The following COPG2 variants were observed in gnomAD, a reference collection of about 807,000 sequenced individuals.
COPG2 encodes coatomer subunit gamma-2.
Under a neutral mutation model 46.3 loss-of-function variants are expected in COPG2, and 37 were observed. The ratio of observed to expected loss-of-function variants is 0.80; its 90% CI spans 0.61 to 1.05. The LOEUF is 1.05. Among genes scored for constraint, COPG2 ranks in the 50% least tolerant of loss-of-function variants. COPG2 has a pLI of 0.00. For synonymous variants in COPG2, 159 were observed against 129.7 expected (o/e 1.23, Z -1.53); for missense variants, 427 against 387.8 (o/e 1.10, Z -0.85).
rs563126201 is a variant in COPG2 at position 130,509,610 on chromosome 7, C to T, written c.2150-951G>A. ...TTTAAATTCCATCCATTCATCCATC[C>T]ACACATGTAGTGACTGTCAATACAT... is the stretch of plus-strand genomic sequence containing the variant. On this transcript the variant is annotated intron_variant, in intron 20 of 23. Transcript: ENST00000425248. 1.5e-5 allele frequency: 7 copies of T among 477,830 alleles called. No individual in the cohort carries two copies. The East Asian group carries it at 3.5e-4, about 24-fold the overall frequency. The allele number at this position is 477,830 out of a possible 1,614,324, so 29.6% of individuals were successfully genotyped here.
chr7:130,589,431 TCAC>T (rs1794354047), intron 9 of COPG2, among the ~76,000 whole-genome samples: 1 of 151,846 alleles, frequency 6.6e-6, no homozygotes, highest in Non-Finnish European at 1.5e-5. Context: ...CTATAGGTGC[TCAC>T]CACCACACCT....
At chr7:130,557,828 A>AAAAAC (rs1395853060) in intron 12 of COPG2, among the ~76,000 whole-genome samples, 3 of 147,530 alleles carry the variant, frequency 2.0e-5, no homozygotes, top group Non-Finnish European at 4.5e-5. Flanking sequence ...AAAAAAAAAA[A>AAAAAC]AAAAAAAAAA....
At chr7:130,543,846 A>C (rs1385396365) in intron 20 of COPG2, among the ~76,000 whole-genome samples, 6 of 152,210 alleles carry the variant, frequency 3.9e-5, no homozygotes, top group African/African-American at 1.4e-4. Flanking sequence ...ATGATGGGGT[A>C]GAAAAGGGGT....
chr7:130,648,141 T>G (rs2116225566), intron 5 of COPG2, among the ~76,000 whole-genome samples: 1 of 152,348 alleles, frequency 6.6e-6, no homozygotes, highest in East Asian at 1.9e-4. Context: ...CTTCAGATTT[T>G]TTTAATCTCC....
chr7:130,511,599 A>G (rs1483356740), intron 20 of COPG2: 1 of 519,104 alleles, frequency 1.9e-6, no homozygotes, highest in Non-Finnish European at 3.9e-6. Context: ...TCACTAAGGA[A>G]TGACACACAT....
Position 130,668,671 on chromosome 7 carries a change from T to A in COPG2, c.-3A>T. 6.5e-7 allele frequency: 1 copy of A among 1,540,856 alleles called. No homozygotes were observed. The highest frequency in any genetic ancestry group is 8.7e-7 in the Non-Finnish European group (1 of 1,145,514). On this transcript the variant is annotated 5_prime_UTR_variant, in exon 1 of 24. Coordinates refer to ENST00000425248, the MANE Select transcript of COPG2 (RefSeq NM_012133.6). ...TTCTTGTCGAATTTTTTAATCATCT[T>A]GGACGACTTCCCAGCGCCCAGACCC...
intron 11 of COPG2, among the ~76,000 whole-genome samples, chr7:130,561,681 C>G (rs1194340100): frequency 1.3e-5 from 2 of 152,176 alleles, no homozygotes; most frequent in African/African-American, 4.8e-5. Context: ...TGCCATTCTC[C>G]TGCATCCTTG....
In COPG2 at chr7:130,554,472, A is replaced by G. The variant is rs1196578120; in HGVS notation, c.1468+9T>C. On this transcript the variant is annotated intron_variant, in intron 14 of 23. Transcript: ENST00000425248. ...CAGCATCGTCAATATCAGTGTCCCAATGACTCACCAGCTCTGACAGCCTCA... is the reference window on the plus strand; with the variant it reads ...CAGCATCGTCAATATCAGTGTCCCAGTGACTCACCAGCTCTGACAGCCTCA... The G allele has an allele frequency of 4.0e-5, 16 of 398,572 alleles. No individual in the cohort carries two copies. The highest frequency in any genetic ancestry group is 1.0e-4 in the African/African-American group (5 of 48,750). 24.7% of individuals were successfully genotyped at this position (398,572 alleles called of 1,614,324 possible). A position where few individuals can be genotyped will look rare whatever the true frequency, so the allele number is the denominator to read the frequency against.
intron 20 of COPG2, among the ~76,000 whole-genome samples, chr7:130,513,319 A>ATGTGTGTGTGTGTGTGTGTG (rs1799634805): frequency 7.2e-5 from 3 of 41,870 alleles, no homozygotes. Flanking sequence ...ATATATATAT[A>ATGTGTGTGTGTGTGTGTGTG]TATATATATA....
At chr7:130,534,216 CTG>C in intron 20 of COPG2, among the ~76,000 whole-genome samples, 1 of 152,178 alleles carries the variant, frequency 6.6e-6, no homozygotes, top group East Asian at 1.9e-4. Flanking sequence ...GCCAAAGTAA[CTG>C]GGGTTACAGA....
chr7:130,535,220 G>A (rs1269942642), intron 20 of COPG2, among the ~76,000 whole-genome samples: 2 of 152,102 alleles, frequency 1.3e-5, no homozygotes, highest in Non-Finnish European at 2.9e-5. Context: ...CCTTCCCTTG[G>A]CCAAGGAAGC....
At chr7:130,645,378 C>A in intron 5 of COPG2, 1 of 546,378 alleles carries the variant, frequency 1.8e-6, no homozygotes, top group Non-Finnish European at 3.7e-6. Flanking sequence ...GACATCTGCC[C>A]TCCAGGACCG....
chr7:130,631,172 C>CTTTTTTTTT (rs55966949), intron 5 of COPG2, among the ~76,000 whole-genome samples: 1 of 102,320 alleles, frequency 9.8e-6, no homozygotes, highest in Non-Finnish European at 2.1e-5. Context: ...TTTTTCTTTT[C>CTTTTTTTTT]TTTTTTTTTT....
intron 9 of COPG2, among the ~76,000 whole-genome samples, chr7:130,588,239 G>A (rs1436426956): frequency 2.0e-5 from 3 of 151,842 alleles, no homozygotes; most frequent in South Asian, 4.2e-4. Context: ...TCAGTGTGGC[G>A]ATTCCTCAGG....
At chr7:130,592,625 T>TA (rs1270390447) in intron 9 of COPG2, among the ~76,000 whole-genome samples, 5 of 152,102 alleles carry the variant, frequency 3.3e-5, no homozygotes, top group Admixed American at 3.3e-4. Flanking sequence ...GTATCTTTTT[T>TA]AAAAAATATA....
rs782300656 is a variant in COPG2, at chr7:130,612,187, G to A, written c.544C>T (p.Gln182Ter). ...ATATTATCACTTGATGCAGCTTCTT[G>A]GGCTTCATTGATCCAGCGCTTAACC... ...DVVKRWINEAQEAASSDNIMV... is the reference protein window; with the variant it reads ...DVVKRWINEA The change falls in exon 8 of 24, where the codon CAA (glutamine) becomes TAA (stop). Residue 182 changes from glutamine to a stop codon, truncating the protein, a stop_gained. Coordinates refer to ENST00000425248, the MANE Select transcript of COPG2 (RefSeq NM_012133.6). LOFTEE classifies it high-confidence loss of function. 1 of 1,611,478 alleles carries A rather than the reference G, an allele frequency of 6.2e-7. No individual in the cohort carries two copies. The highest frequency in any genetic ancestry group is 1.7e-5 in the Admixed American group (1 of 59,814).
At position 130,549,532 on chromosome 7, in the gene COPG2, GA is replaced by G. The variant is rs1163124636; in HGVS notation, c.1775-157del. ...GGTTATCTATCACTTCTGGTGGGGGGACACTCAAATTAAAATGTATTTAGTG... is the reference window on the plus strand; with the variant it reads ...GGTTATCTATCACTTCTGGTGGGGGGCACTCAAATTAAAATGTATTTAGTG... On this transcript the variant is annotated intron_variant, in intron 17 of 23. Transcript: ENST00000425248. Among the ~76,000 whole-genome samples the G allele has an allele frequency of 4.6e-5, 7 of 152,226 alleles. No homozygotes were observed. The East Asian group carries it at 7.7e-4, about 17-fold the overall frequency.
intron 9 of COPG2, among the ~76,000 whole-genome samples, chr7:130,593,005 G>T (rs1794460861): frequency 6.6e-6 from 1 of 152,212 alleles, no homozygotes; most frequent in Non-Finnish European, 1.5e-5. Context: ...GAAAGAATGG[G>T]CAATGTGGGG....
At chr7:130,533,235 G>C (rs1799846174) in intron 20 of COPG2, among the ~76,000 whole-genome samples, 1 of 151,080 alleles carries the variant, frequency 6.6e-6, no homozygotes, top group African/African-American at 2.4e-5. Flanking sequence ...ATGAATGGAG[G>C]TGTAGCTTGT....
Sources: gnomAD v4.1 joint callset for allele counts (sites outside exome capture counted in the v4.1 genomes callset) on GRCh38, gnomAD v4.1.1 for gene constraint, MANE v1.5 for transcripts, NCBI Gene and HGNC (gene_info 2026-07-23, HGNC 2026-07-21) for gene names.